Variants in TTN observed in about 807,000 individuals in gnomAD.
TTN encodes connectin.
Under a neutral mutation model 3,223.0 loss-of-function variants are expected in TTN, and 1,525 were observed. The ratio of observed to expected loss-of-function variants is 0.47; its 90% confidence interval spans 0.45 to 0.49. The LOEUF is 0.49. TTN is among the 20% of genes least tolerant of loss of function. The pLI, the probability that TTN is intolerant of heterozygous loss-of-function variation, is 0.00. For missense variants in TTN, 40,786 were observed against 43,424.0 expected, an observed-to-expected ratio of 0.94 and a Z score of 5.40; for synonymous variants, 14,094 against 15,161.0, an observed-to-expected ratio of 0.93 and a Z score of 5.17.
At chr2:178,667,593 C>T (rs1391347107) in intron 160 of TTN, 45 bp downstream of exon 160, 5 of 1,576,982 alleles carry the variant, frequency 3.2e-6, no homozygotes, top group Non-Finnish European at 4.3e-6. Flanking sequence ...TTAAAAGGGG[C>T]CAAAAAATAA....
rs1228257559 is a variant in TTN, at chr2:178,773,648, C to A, written c.7408G>T (p.Val2470Phe). The change falls in exon 32 of 363, where the codon GTC becomes TTC. Residue 2470 changes from valine to phenylalanine, a missense_variant. Coordinates refer to ENST00000589042, the MANE Select transcript of TTN (RefSeq NM_001267550.2). ...TKAVLECKVS[V>F]PDVTSVKWYL... ...CACTTAACAGAAGTCACATCAGGGACTGACACCTTACATTCAAGCACAGCC... is the reference window on the plus strand; with the variant it reads ...CACTTAACAGAAGTCACATCAGGGAATGACACCTTACATTCAAGCACAGCC... 3.1e-6 allele frequency: 5 copies of A among 1,614,074 alleles called. No individual in the cohort carries two copies. Among genetic ancestry groups the A allele is most frequent in the Non-Finnish European group, 4.2e-6 (5 of 1,179,980 alleles).
At chr2:178,539,312 ATGACT>A (rs1693245515) in intron 352 of TTN, 61 bp from the exon 353 acceptor site, 14 of 1,594,852 alleles carry the variant, frequency 8.8e-6, no homozygotes, top group Non-Finnish European at 1.1e-5. Context: ...TTATAAGCCA[ATGACT>A]TTCATTTAAA....
At position 178,528,848 on chromosome 2, in the gene TTN, C is replaced by T; in HGVS notation, c.106903G>A (p.Asp35635Asn). 2 of 1,613,994 alleles carry T rather than the reference C, an allele frequency of 1.2e-6. No homozygotes were observed. Among genetic ancestry groups the T allele is most frequent in the African/African-American group, 1.3e-5 (1 of 75,046 alleles). ...VLKANIAGAT[D>N]VKWVLNGVEL... The stretch of plus-strand genomic sequence containing the variant: ...ACGCCATTCAGTACCCATTTCACAT[C>T]AGTGGCACCAGCAATGTTGGCTTTT... Residue 35635 changes from aspartate (D) to asparagine (N), a missense_variant, in exon 360 of 363, where the codon GAT (aspartate) becomes AAT (asparagine). Physicochemically the swap from Asp to Asn is conservative, Grantham distance 23. Transcript: ENST00000589042.
rs1575527187 is a variant in TTN at position 178,553,149 on chromosome 2, T to G, written c.89751A>C (p.Gly29917=). The change falls in exon 335 of 363, where the codon GGA becomes GGC. Residue 29917 remains glycine (G), a synonymous_variant. Coordinates refer to ENST00000589042, the MANE Select transcript of TTN (RefSeq NM_001267550.2). ...CAGTTGAAGACTTAGGTTCACCAAC[T>G]CCATTTTCTATTGTGAGAATATATT... ...TGKYILTIEN[G]VGEPKSSTVS... 6.2e-7 allele frequency: 1 copy of G among 1,613,130 alleles called. No homozygotes were observed. Among genetic ancestry groups the G allele is most frequent in the Non-Finnish European group, 8.5e-7 (1 of 1,179,214 alleles).
At chr2:178,643,719 CA>C (rs140359085) in intron 218 of TTN, among the ~76,000 whole-genome samples, 1,565 of 151,732 alleles carry the variant, frequency 0.01, 32 homozygotes, top group African/African-American at 0.036. Context: ...GATCAATATC[CA>C]TGATAACATT....
rs1181435043 is a variant in TTN at position 178,575,668 on chromosome 2, C to T, written c.70464G>A (p.Lys23488=). The T allele has an allele frequency of 2.5e-6, 4 of 1,613,588 alleles. No homozygotes were observed. Among genetic ancestry groups the T allele is most frequent in the Non-Finnish European group, 3.4e-6 (4 of 1,179,654 alleles). ...TRKSYSTATT[K]CHKCTYKVTG... Reference sequence around the variant, plus strand: ...TAACTTTATATGTGCATTTATGGCACTTAGTGGTGGCTGTGGAATAAGATT... The same window carrying T: ...TAACTTTATATGTGCATTTATGGCATTTAGTGGTGGCTGTGGAATAAGATT... Residue 23488 remains lysine (K), a synonymous_variant, in exon 326 of 363, where the codon AAG becomes AAA. Transcript: ENST00000589042. The surrounding 1 kb of genome is among the most constrained non-coding windows in gnomAD (Gnocchi z 4.0).
At position 178,607,521 on chromosome 2, in the gene TTN, C is replaced by G; in HGVS notation, c.53167G>C (p.Val17723Leu). The change falls in exon 277 of 363, where the codon GTT becomes CTT. Residue 17723 changes from valine to leucine, a missense_variant. Coordinates refer to ENST00000589042, the MANE Select transcript of TTN (RefSeq NM_001267550.2). ...LDKDRVVIDN[V>L]GTKSELIIKD... is the part of the protein sequence containing the mutation. Reference sequence around the variant, plus strand: ...ATAATTAGTTCAGATTTGGTTCCAACGTTGTCTATTACAACACGGTCTTTA... The same window carrying G: ...ATAATTAGTTCAGATTTGGTTCCAAGGTTGTCTATTACAACACGGTCTTTA... 1 of 1,613,202 alleles carries G rather than the reference C, an allele frequency of 6.2e-7. No individual in the cohort carries two copies. The highest frequency in any genetic ancestry group is 8.5e-7 in the Non-Finnish European group (1 of 1,179,362).
At chr2:178,612,020 G>C in intron 267 of TTN, 37 bp downstream of exon 267, 1 of 1,602,988 alleles carries the variant, frequency 6.2e-7, no homozygotes, top group Non-Finnish European at 8.5e-7. Context: ...TTGCAGCCAA[G>C]TGTAAGTTAT....
Position 178,615,804 on chromosome 2 carries a change from A to G in TTN, c.48313-16T>C. On this transcript the variant is annotated splice_polypyrimidine_tract_variant and intron_variant, in intron 257 of 362. Transcript: ENST00000589042. ...AGTCCATAACCTGGGACAAAGAAAT[A>G]CAGTTAATCAGTTATTTCCAAAAAA... 6.3e-7 allele frequency: 1 copy of G among 1,597,018 alleles called. No homozygotes were observed.
intron 132 of TTN, 71 bp downstream of exon 132, chr2:178,684,259 C>G: frequency 1.3e-6 from 2 of 1,521,070 alleles, no homozygotes; most frequent in Non-Finnish European, 9.0e-7. Context: ...AAACCAGCCC[C>G]CATAACCAGT....
chr2:178,719,615 A>G lies in TTN; in HGVS notation c.23877T>C (p.Tyr7959=), dbSNP rs2078037163. ...PCAEMSDKGL[Y]SFEVKNSVGK... Reference sequence around the variant, plus strand: ...CAACACTGTTTTTCACTTCAAAGCTATATAATCCTTTGTCACTCATTTCGG... The same window carrying G: ...CAACACTGTTTTTCACTTCAAAGCTGTATAATCCTTTGTCACTCATTTCGG... Residue 7959 remains tyrosine, a synonymous_variant, in exon 82 of 363, where the codon TAT becomes TAC. Coordinates refer to ENST00000589042, the MANE Select transcript of TTN (RefSeq NM_001267550.2). 6.2e-7 allele frequency: 1 copy of G among 1,613,556 alleles called. No homozygotes were observed. The highest frequency in any genetic ancestry group is 1.7e-5 in the Admixed American group (1 of 59,996).
chr2:178,619,450 C>G (rs964928623), intron 250 of TTN, 171 bp downstream of exon 250: 1 of 719,786 alleles, frequency 1.4e-6, no homozygotes, highest in African/African-American at 1.8e-5. Flanking sequence ...TATTAATTTC[C>G]TCTTACTCAA....
intron 21 of TTN, 82 bp downstream of exon 21, chr2:178,781,039 G>A (rs1202570099): frequency 1.3e-6 from 2 of 1,594,504 alleles, no homozygotes; most frequent in African/African-American, 1.3e-5. Flanking sequence ...AGTGGCAACA[G>A]GTTTTTCAGC....
At position 178,738,314 on chromosome 2, in the gene TTN, C is replaced by T. The variant is rs1238228734; in HGVS notation, c.14139G>A (p.Leu4713=). The part of the protein sequence containing the change: ...KRKIEPLEVA[L]GHLAKFTCEI... ...CACAGGTGAATTTGGCTAGGTGGCCCAGTGCTACTTCCAGGGGTTCGATTT... is the reference window on the plus strand; with the variant it reads ...CACAGGTGAATTTGGCTAGGTGGCCTAGTGCTACTTCCAGGGGTTCGATTT... The change falls in exon 49 of 363, where the codon CTG becomes CTA. Residue 4713 remains leucine, a synonymous_variant. Transcript: ENST00000589042. The T allele has an allele frequency of 1.2e-6, 2 of 1,613,438 alleles. No individual in the cohort carries two copies. The highest frequency in any genetic ancestry group is 2.2e-5 in the South Asian group (2 of 91,028).
At position 178,542,858 on chromosome 2, in the gene TTN, G is replaced by A; in HGVS notation, c.96996C>T (p.Gly32332=). The A allele has an allele frequency of 1.2e-6, 2 of 1,613,782 alleles. No homozygotes were observed. The highest frequency in any genetic ancestry group is 1.7e-4 in the Middle Eastern group (1 of 6,056). Reference sequence around the variant, plus strand: ...ACCAGGAAGCAGCAGGAGGTGGACGGCCAGCAATAGGTATCACCAGCTCTA... The same window carrying A: ...ACCAGGAAGCAGCAGGAGGTGGACGACCAGCAATAGGTATCACCAGCTCTA... ...RPVELVIPIA[G]RPPPAASWFF... The change falls in exon 348 of 363, where the codon GGC becomes GGT. Residue 32332 remains glycine, a synonymous_variant. Coordinates refer to ENST00000589042, the MANE Select transcript of TTN (RefSeq NM_001267550.2).
In TTN at chr2:178,621,732, GCTT is replaced by G. The variant is rs759525338; in HGVS notation, c.45089_45091del (p.Glu15030del). On this transcript the variant is annotated inframe_deletion, in exon 245 of 363. Transcript: ENST00000589042. ...GTTGGCAAGATTTTTGGTAAAGACA[GCTT>G]CTTCTTCTGCAAGCATTGAAAAAAC... 1.7e-4 allele frequency: 266 copies of G among 1,610,576 alleles called. No homozygotes were observed. Among genetic ancestry groups the G allele is most frequent in the Middle Eastern group, 3.3e-4 (2 of 6,068 alleles).
intron 49 of TTN, among the ~76,000 whole-genome samples, chr2:178,737,701 C>A (rs2081760223): frequency 6.6e-6 from 1 of 152,130 alleles, no homozygotes; most frequent in African/African-American, 2.4e-5. Flanking sequence ...GACTTAGACA[C>A]TGACTTTTTT....
In TTN at chr2:178,584,652, C is replaced by G; in HGVS notation, c.64972+17G>C. The G allele has an allele frequency of 6.2e-7, 1 of 1,606,912 alleles. No homozygotes were observed. Among genetic ancestry groups the G allele is most frequent in the Non-Finnish European group, 8.5e-7 (1 of 1,178,106 alleles). On this transcript the variant is annotated intron_variant, in intron 310 of 362. Coordinates refer to ENST00000589042, the MANE Select transcript of TTN (RefSeq NM_001267550.2). ...CTAGAAAGAAAACAACTTTTTTTCT[C>G]CTTCACAAAAACATACCAAATGGGA...
chr2:178,697,709 T>G (rs565439174), intron 112 of TTN, among the ~76,000 whole-genome samples: 187 of 152,290 alleles, frequency 1.2e-3, no homozygotes, highest in African/African-American at 4.3e-3. Flanking sequence ...TTAAAACTAT[T>G]TGTTTAAATT....
Sources: allele counts gnomAD v4.1 joint callset (sites outside exome capture counted in the v4.1 genomes callset), GRCh38; gene constraint gnomAD v4.1.1; non-coding constraint Gnocchi (gnomAD v3.1); transcripts MANE v1.5; gene names NCBI Gene and HGNC (gene_info 2026-07-23, HGNC 2026-07-21).